Variants in NCKAP5 observed in about 807,000 individuals in gnomAD.
NCKAP5 encodes nck-associated protein 5.
NCKAP5 carries 92 observed loss-of-function variants against 167.0 expected under a neutral mutation model. The observed-to-expected ratio is 0.55, with a 90% CI of 0.47 to 0.66. NCKAP5 has a LOEUF of 0.66. Among genes scored for constraint, NCKAP5 ranks in the 30% least tolerant of loss-of-function variants. The pLI is 0.00. For missense variants in NCKAP5, 2,378 were observed against 2,315.0 expected (o/e 1.03, Z -0.56); for synonymous variants, 891 against 877.4 (o/e 1.02, Z -0.27).
chr2:133,397,781 G>A lies in NCKAP5; in HGVS notation c.70-94671C>T, dbSNP rs551651943. Among the ~76,000 whole-genome samples the A allele has an allele frequency of 1.2e-3, 179 of 152,276 alleles. 1 individual carries two copies. The highest frequency in any genetic ancestry group is 3.4e-3 in the Middle Eastern group (1 of 294). On this transcript the variant is annotated intron_variant, in intron 3 of 19. Transcript: ENST00000409261. ...ACAACAATTTTCTACTCTGTATAAG[G>A]AGTGTTTTATCTAATTTGCATAGGG...
At chr2:132,853,659 C>T (rs1324813646) in intron 11 of NCKAP5, among the ~76,000 whole-genome samples, 2 of 152,026 alleles carry the variant, frequency 1.3e-5, no homozygotes, top group African/African-American at 4.8e-5. Context: ...GATAAAAACC[C>T]ATGAAACAAT....
At chr2:132,790,612 C>G (rs767655193) in intron 12 of NCKAP5, among the ~76,000 whole-genome samples, 1 of 152,144 alleles carries the variant, frequency 6.6e-6, no homozygotes, top group Admixed American at 6.6e-5. Context: ...TCGAACTACC[C>G]TAAGCTGCAG....
At chr2:132,962,356 G>C (rs2076538006) in intron 8 of NCKAP5, among the ~76,000 whole-genome samples, 1 of 152,202 alleles carries the variant, frequency 6.6e-6, no homozygotes, top group Admixed American at 6.5e-5. Context: ...TGAGGGAACA[G>C]AGGCATGGGG....
intron 7 of NCKAP5, among the ~76,000 whole-genome samples, chr2:132,978,542 C>T (rs1314504211): frequency 6.6e-6 from 1 of 152,108 alleles, no homozygotes; most frequent in African/African-American, 2.4e-5. Flanking sequence ...TCAGTGACTT[C>T]AAATTACCTG....
chr2:132,693,954 T>C (rs926636335), intron 19 of NCKAP5, among the ~76,000 whole-genome samples: 1 of 152,020 alleles, frequency 6.6e-6, no homozygotes, highest in African/African-American at 2.4e-5. Flanking sequence ...CTCTCGTTTA[T>C]GGCAGCTCCT....
intron 8 of NCKAP5, among the ~76,000 whole-genome samples, chr2:132,923,311 G>C (rs1695587208): frequency 6.6e-6 from 1 of 152,210 alleles, no homozygotes; most frequent in African/African-American, 2.4e-5. Context: ...AGAAAATGCA[G>C]AGAATACACA....
intron 8 of NCKAP5, among the ~76,000 whole-genome samples, chr2:132,939,602 AT>A (rs1239722145): frequency 6.6e-6 from 1 of 151,828 alleles, no homozygotes; most frequent in Non-Finnish European, 1.5e-5. Context: ...ATTTCAATAG[AT>A]TTTGGGGTAC....
chr2:133,195,449 T>C (rs535774372), intron 5 of NCKAP5, among the ~76,000 whole-genome samples: 3 of 152,270 alleles, frequency 2.0e-5, no homozygotes, highest in Admixed American at 6.5e-5. Flanking sequence ...ACATGTGTCA[T>C]GCTTTCCTCT....
intron 5 of NCKAP5, among the ~76,000 whole-genome samples, chr2:133,175,654 C>A (rs2084428724): frequency 6.6e-6 from 1 of 152,016 alleles, no homozygotes; most frequent in African/African-American, 2.4e-5. Flanking sequence ...CACTTGGAGT[C>A]ACTAGTAAGA....
chr2:132,815,431 T>C (rs1409278113), intron 11 of NCKAP5, among the ~76,000 whole-genome samples: 2 of 152,218 alleles, frequency 1.3e-5, no homozygotes, highest in African/African-American at 4.8e-5. Flanking sequence ...CAGCCGATTT[T>C]AAAGACAACA....
At chr2:133,383,542 T>C (rs1042093872) in intron 3 of NCKAP5, among the ~76,000 whole-genome samples, 18 of 152,240 alleles carry the variant, frequency 1.2e-4, no homozygotes, top group Non-Finnish European at 2.5e-4. Context: ...CATGTGTCTT[T>C]CTAGCAGCAT....
chr2:133,561,095 T>G (rs1395559590), intron 1 of NCKAP5, among the ~76,000 whole-genome samples: 2 of 152,246 alleles, frequency 1.3e-5, no homozygotes, highest in Admixed American at 6.5e-5. Flanking sequence ...AATTTTTCCT[T>G]ATAGAAATAA....
the NCKAP5 span, among the ~76,000 whole-genome samples, chr2:133,638,433 A>C: frequency 4.6e-5 from 7 of 152,320 alleles, no homozygotes; most frequent in African/African-American, 1.2e-4. Flanking sequence ...GTCTTGTTTA[A>C]AAAAATAGGG....
intron 8 of NCKAP5, among the ~76,000 whole-genome samples, chr2:132,942,818 C>T (rs562221963): frequency 6.6e-6 from 1 of 152,304 alleles, no homozygotes; most frequent in African/African-American, 2.4e-5. Flanking sequence ...CCAAAGTAAT[C>T]AAGTATACCA....
At chr2:133,453,852 A>G (rs1056667310) in intron 3 of NCKAP5, among the ~76,000 whole-genome samples, 1 of 152,034 alleles carries the variant, frequency 6.6e-6, no homozygotes, top group Non-Finnish European at 1.5e-5. Context: ...ATAGATTTGC[A>G]AAAAATTAAG....
intron 12 of NCKAP5, among the ~76,000 whole-genome samples, chr2:132,794,218 TTATACATATATATATATATATA>T (rs1684309886): frequency 2.6e-5 from 2 of 76,876 alleles, no homozygotes; most frequent in Non-Finnish European, 5.0e-5. Flanking sequence ...TTAAAAATGT[TTATACATATATATATATATATA>T]TATATATATA....
intron 3 of NCKAP5, among the ~76,000 whole-genome samples, chr2:133,468,042 T>C (rs7583038): frequency 0.14 from 12,019 of 83,660 alleles, 1,932 homozygotes; most frequent in African/African-American, 0.25. Flanking sequence ...TTATTTCTTG[T>C]CTTCTGATAG....
chr2:133,205,316 T>C (rs560959371), intron 5 of NCKAP5, among the ~76,000 whole-genome samples: 1 of 151,920 alleles, frequency 6.6e-6, no homozygotes, highest in African/African-American at 2.4e-5. Context: ...GATAGATAGA[T>C]AGACAGACAG....
At chr2:133,442,047 A>C (rs1253876782) in intron 3 of NCKAP5, among the ~76,000 whole-genome samples, 1 of 152,214 alleles carries the variant, frequency 6.6e-6, no homozygotes, top group Non-Finnish European at 1.5e-5. Context: ...CTGGAGAAAC[A>C]CGGACAGAGT....
Sources: gnomAD v4.1 joint callset for allele counts (sites outside exome capture counted in the v4.1 genomes callset) on GRCh38, gnomAD v4.1.1 for gene constraint, MANE v1.5 for transcripts, NCBI Gene and HGNC (gene_info 2026-07-23, HGNC 2026-07-21) for gene names.